SLC8A1: variants seen among roughly 807,000 people sequenced by gnomAD.
SLC8A1 encodes solute carrier family 8 member A1.
Under a neutral mutation model 68.3 loss-of-function variants are expected in SLC8A1, and 18 were observed. The ratio of observed to expected loss-of-function variants is 0.26; its 90% CI spans 0.18 to 0.39. The LOEUF (loss-of-function observed/expected upper bound fraction) is 0.39. Among genes scored for constraint, SLC8A1 ranks in the 10% least tolerant of loss-of-function variants. The pLI, the probability that SLC8A1 is intolerant of heterozygous loss-of-function variation, is 1.00. For synonymous variants in SLC8A1, 475 were observed against 415.5 expected (o/e 1.14, Z -1.74); for missense variants, 985 against 1,156.7 (o/e 0.85, Z 2.15).
At chr2:40,494,525 G>A (rs1426408144) in intron 1 of SLC8A1, among the ~76,000 whole-genome samples, 1 of 151,324 alleles carries the variant, frequency 6.6e-6, no homozygotes, top group African/African-American at 2.4e-5. Context: ...ACCCAGTAAT[G>A]GGATGGCTGG....
At chr2:40,251,255 G>GAGAT (rs2062702219) in intron 2 of SLC8A1, 1 of 152,150 alleles carries the variant, frequency 6.6e-6, no homozygotes, top group African/African-American at 2.4e-5. Context: ...CTGCTAGTCA[G>GAGAT]AGATAGATAT....
At chr2:40,410,295 A>G (rs1020112771) in intron 2 of SLC8A1, among the ~76,000 whole-genome samples, 18 of 152,146 alleles carry the variant, frequency 1.2e-4, no homozygotes, top group African/African-American at 4.1e-4. Flanking sequence ...AAATCTTTCA[A>G]TATGACCTGT....
chr2:40,445,162 T>G (rs930440943), intron 1 of SLC8A1, among the ~76,000 whole-genome samples: 14 of 152,194 alleles, frequency 9.2e-5, no homozygotes, highest in South Asian at 4.1e-4. Flanking sequence ...TATTCCCATT[T>G]AATAGATGAA....
At chr2:40,467,311 T>C (rs1378049295) in intron 1 of SLC8A1, among the ~76,000 whole-genome samples, 2 of 152,172 alleles carry the variant, frequency 1.3e-5, no homozygotes, top group Non-Finnish European at 2.9e-5. Flanking sequence ...CACTGATGTA[T>C]ATGAACTCAA....
chr2:40,428,350 A>T, intron 2 of SLC8A1, 123 bp downstream of exon 2: 1 of 1,394,368 alleles, frequency 7.2e-7, no homozygotes, highest in Non-Finnish European at 9.3e-7. Context: ...TCTTGTATAA[A>T]AGCTATTCCA....
At chr2:40,137,755 C>G (rs7573537) in intron 7 of SLC8A1, among the ~76,000 whole-genome samples, 11 of 151,864 alleles carry the variant, frequency 7.2e-5, no homozygotes, top group African/African-American at 2.4e-4. Context: ...CTGTAAGGAT[C>G]GATGGTCAAC....
intron 2 of SLC8A1, among the ~76,000 whole-genome samples, chr2:40,344,011 G>A (rs966252902): frequency 1.3e-5 from 2 of 152,192 alleles, no homozygotes; most frequent in East Asian, 1.9e-4. Flanking sequence ...ACAGCTTTAT[G>A]AGCAAGAGAG....
At chr2:40,453,194 G>A (rs1460734157), upstream of SLC8A1, 2 of 152,066 alleles carry the variant, frequency 1.3e-5, no homozygotes, top group Admixed American at 1.3e-4. Flanking sequence ...AGAATCTGAG[G>A]CCGAATCTGA....
chr2:40,264,924 T>C (rs747657630), intron 2 of SLC8A1, among the ~76,000 whole-genome samples: 3 of 152,164 alleles, frequency 2.0e-5, no homozygotes, highest in Non-Finnish European at 4.4e-5. Context: ...ACTGTATCAT[T>C]TTGCAGGTAA....
intron 2 of SLC8A1, among the ~76,000 whole-genome samples, chr2:40,271,499 C>G (rs530923794): frequency 2.0e-5 from 3 of 152,172 alleles, no homozygotes; most frequent in South Asian, 2.1e-4. Flanking sequence ...CTCTCTACCC[C>G]CTCACTGAAC....
At chr2:40,399,615 C>T (rs1688074811) in intron 2 of SLC8A1, among the ~76,000 whole-genome samples, 1 of 152,012 alleles carries the variant, frequency 6.6e-6, no homozygotes, top group Non-Finnish European at 1.5e-5. Context: ...CCCTAGGGGC[C>T]TTAAATTGTT....
At chr2:40,118,607 GTTTTTTTTTTTTTT>G (rs67851517) in intron 7 of SLC8A1, 10 of 74,712 alleles carry the variant, frequency 1.3e-4, no homozygotes, top group South Asian at 1.6e-3. Context: ...AAAAAAGGAA[GTTTTTTTTTTTTTT>G]TTTTTTTTTT....
rs2053095950 is a variant in SLC8A1 at position 40,196,657 on chromosome 2, A to G, written c.1809-18802T>C. Among the ~76,000 whole-genome samples the G allele has an allele frequency of 2.0e-5, 3 of 152,160 alleles. 1 individual carries two copies. The highest frequency in any genetic ancestry group is 2.0e-4 in the Admixed American group (3 of 15,258). ...TAGGGAAATATTCTACTAGACCTGC[A>G]CCTACTCCCAGGTTAAGAGGCTTAA... On this transcript the variant is annotated intron_variant, in intron 2 of 7. Transcript: ENST00000406785.
intron 2 of SLC8A1, among the ~76,000 whole-genome samples, chr2:40,304,223 G>C (rs911298891): frequency 6.6e-6 from 1 of 152,298 alleles, no homozygotes; most frequent in South Asian, 2.1e-4. Flanking sequence ...GCCCTTCAGA[G>C]ATGTCCTTCC....
chr2:40,184,762 A>C lies in SLC8A1; in HGVS notation c.1809-6907T>G, dbSNP rs529671914. On this transcript the variant is annotated intron_variant, in intron 2 of 7. Transcript: ENST00000406785. ...CAATCCCAGACTCCAGAAAGACCTG[A>C]CCCAGGACTGACCACGCATGAACCT... Among the ~76,000 whole-genome samples the C allele has an allele frequency of 4.6e-5, 7 of 152,196 alleles. No homozygotes were observed. In the East Asian group the frequency reaches 1.4e-3, roughly 29 times the overall value.
chr2:40,106,928 A>G (rs2034234888), exon 8 of SLC8A1: 2 of 152,146 alleles, frequency 1.3e-5, no homozygotes, highest in South Asian at 4.1e-4. Context: ...CTTACTCTTG[A>G]TAAGAGAGCT....
rs574194827 is a variant in SLC8A1 at position 40,328,564 on chromosome 2, T to C, written c.1808+99909A>G. ...ATCCCCCAATCTCTATTTTCAGCTCTCAATTCTCATTTTTGTTCGCATACA... is the reference window on the plus strand; with the variant it reads ...ATCCCCCAATCTCTATTTTCAGCTCCCAATTCTCATTTTTGTTCGCATACA... On this transcript the variant is annotated intron_variant, in intron 2 of 7. Transcript: ENST00000406785. Among the ~76,000 whole-genome samples the C allele has an allele frequency of 1.1e-4, 17 of 152,318 alleles. No homozygotes were observed. The East Asian group carries it at 2.9e-3, about 26-fold the overall frequency.
intron 1 of SLC8A1, among the ~76,000 whole-genome samples, chr2:40,436,278 C>T (rs17026012): frequency 0.049 from 7,483 of 152,142 alleles, 359 homozygotes; most frequent in East Asian, 0.25. Context: ...CACAGGGTCA[C>T]GTGCTGATTC....
At chr2:40,263,569 CT>C (rs1440533468) in intron 2 of SLC8A1, among the ~76,000 whole-genome samples, 2 of 152,130 alleles carry the variant, frequency 1.3e-5, no homozygotes, top group Non-Finnish European at 2.9e-5. Context: ...ACCATCTGAT[CT>C]TTGACAAACC....
Sources: allele counts gnomAD v4.1 joint callset (sites outside exome capture counted in the v4.1 genomes callset), GRCh38; gene constraint gnomAD v4.1.1; transcripts MANE v1.5; gene names NCBI Gene and HGNC (gene_info 2026-07-23, HGNC 2026-07-21).